Variants in LRRK1 observed in about 807,000 individuals in gnomAD.
LRRK1 encodes leucine rich repeat kinase 1.
In LRRK1, 113 loss-of-function variants were observed where a neutral mutation model predicts 209.1. The ratio of observed to expected loss-of-function variants is 0.54; its 90% CI spans 0.46 to 0.63. The LOEUF (loss-of-function observed/expected upper bound fraction) is 0.63, where lower values mean the gene tolerates loss of function less well. Among genes scored for constraint, LRRK1 ranks in the 30% least tolerant of loss-of-function variants. LRRK1 has a pLI of 0.00. For missense variants in LRRK1, 2,284 were observed against 2,632.2 expected (o/e 0.87, Z 2.89); for synonymous variants, 1,144 against 1,099.7 (o/e 1.04, Z -0.80).
intron 4 of LRRK1, chr15:100,983,935 T>C: frequency 4.8e-6 from 3 of 627,090 alleles, no homozygotes; most frequent in Non-Finnish European, 8.7e-6. Context: ...GTAATTAACA[T>C]TGCTTTTTAA....
At chr15:100,950,613 C>G (rs2042625328) in intron 2 of LRRK1, among the ~76,000 whole-genome samples, 1 of 152,178 alleles carries the variant, frequency 6.6e-6, no homozygotes, top group Non-Finnish European at 1.5e-5. Flanking sequence ...ACCAAAAACA[C>G]AAGCGACAAA....
At chr15:101,028,869 C>T in intron 19 of LRRK1, 87 bp from the exon 20 acceptor site, 1 of 1,380,236 alleles carries the variant, frequency 7.2e-7, no homozygotes, top group South Asian at 1.3e-5. Context: ...AATTTGTGAC[C>T]TGGGTCCTCT....
intron 4 of LRRK1, among the ~76,000 whole-genome samples, chr15:100,986,627 G>A (rs1321062007): frequency 6.6e-6 from 1 of 152,208 alleles, no homozygotes; most frequent in African/African-American, 2.4e-5. Flanking sequence ...AGAGCTGCTT[G>A]CTTTCATTCA....
rs139678081 is a variant in LRRK1, at chr15:100,941,006, G to T, written c.97+16277G>T. On this transcript the variant is annotated intron_variant, in intron 2 of 33. Transcript: ENST00000388948. ...CCTCCTGGGGACTCTGAGGCCCAAG[G>T]GGGACAGTGGTGAAATATGACACAG... Among the ~76,000 whole-genome samples the T allele has an allele frequency of 4.7e-3, 720 of 152,332 alleles. 7 individuals carry two copies. Among genetic ancestry groups the T allele is most frequent in the Non-Finnish European group, 4.1e-3 (276 of 68,034 alleles).
intron 3 of LRRK1, among the ~76,000 whole-genome samples, chr15:100,977,865 A>G (rs2141658021): frequency 6.6e-6 from 1 of 152,294 alleles, no homozygotes; most frequent in African/African-American, 2.4e-5. Context: ...TCGCAAACTC[A>G]CTGAGACAAG....
rs947751471 is a variant in LRRK1, at chr15:101,074,087, C to T, written c.*5239C>T. The T allele has an allele frequency of 1.3e-5, 2 of 152,162 alleles. No homozygotes were observed. The highest frequency in any genetic ancestry group is 2.9e-5 in the Non-Finnish European group (2 of 68,036). 9.4% of individuals were successfully genotyped at this position (152,162 alleles called of 1,614,324 possible). On this transcript the variant is annotated 3_prime_UTR_variant, in exon 34 of 34. Coordinates refer to ENST00000388948, the MANE Select transcript of LRRK1 (RefSeq NM_024652.6). ...CATCAGTCCCTCCCTAGTCTCTGTTCCCAGTGCAACTCATCCCAAATCTTC... is the reference window on the plus strand; with the variant it reads ...CATCAGTCCCTCCCTAGTCTCTGTTTCCAGTGCAACTCATCCCAAATCTTC...
rs200350947 is a variant in LRRK1, at chr15:100,956,372, TTTC to T, written c.98-17429_98-17427del. 9.1e-3 allele frequency among the ~76,000 whole-genome samples: 1,366 copies of T among 149,934 alleles called. 25 individuals carry two copies. The highest frequency in any genetic ancestry group is 0.033 in the African/African-American group (1,308 of 40,124). ...TATAATTGTATTTATTTGAGTTCTCTTTCTTTTTTTTCTTAGTCTAGCTAACGA... is the reference window on the plus strand; with the variant it reads ...TATAATTGTATTTATTTGAGTTCTCTTTTTTTTTCTTAGTCTAGCTAACGA... On this transcript the variant is annotated intron_variant, in intron 2 of 33. Coordinates refer to ENST00000388948, the MANE Select transcript of LRRK1 (RefSeq NM_024652.6).
At chr15:101,023,413 C>T (rs2141712056) in intron 15 of LRRK1, among the ~76,000 whole-genome samples, 1 of 152,308 alleles carries the variant, frequency 6.6e-6, no homozygotes, top group Non-Finnish European at 1.5e-5. Context: ...GAACATTTTC[C>T]TGTTCATGTA....
chr15:101,010,717 A>G lies in LRRK1; in HGVS notation c.1161A>G (p.Ile387Met), dbSNP rs757510968. Residue 387 changes from isoleucine (I) to methionine (M), a missense_variant, in exon 9 of 34, where the codon ATA becomes ATG. Ile to Met is a conservative substitution (Grantham distance 10). Coordinates refer to ENST00000388948, the MANE Select transcript of LRRK1 (RefSeq NM_024652.6). ...IGLRKLQELD[I>M]SDNKLTELPA... ...TACGGAAGCTACAGGAACTTGATAT[A>G]TCTGACAATAAATTGACAGAACTCC... is the stretch of plus-strand genomic sequence containing the variant. 6.2e-7 allele frequency: 1 copy of G among 1,612,098 alleles called. No individual in the cohort carries two copies. The highest frequency in any genetic ancestry group is 8.5e-7 in the Non-Finnish European group (1 of 1,179,712).
intron 6 of LRRK1, among the ~76,000 whole-genome samples, chr15:100,994,280 G>A (rs1056729530): frequency 1.3e-5 from 2 of 152,204 alleles, no homozygotes; most frequent in Non-Finnish European, 2.9e-5. Context: ...GTACCGCCTA[G>A]GTTTCACATA....
chr15:100,925,063 A>G (rs1342019418), intron 2 of LRRK1, among the ~76,000 whole-genome samples: 6 of 152,220 alleles, frequency 3.9e-5, no homozygotes, highest in African/African-American at 7.2e-5. Flanking sequence ...AAATAATTTA[A>G]AAAAAAGGAA....
At chr15:100,975,416 A>G (rs2031236169) in intron 3 of LRRK1, among the ~76,000 whole-genome samples, 1 of 152,236 alleles carries the variant, frequency 6.6e-6, no homozygotes, top group Non-Finnish European at 1.5e-5. Context: ...CAGTGGCATC[A>G]TAATTTGGCA....
At chr15:100,938,048 G>A (rs1431883413) in intron 2 of LRRK1, among the ~76,000 whole-genome samples, 1 of 149,688 alleles carries the variant, frequency 6.7e-6, no homozygotes, top group African/African-American at 2.4e-5. Flanking sequence ...TTGTAGAGAT[G>A]GGGGTTCACC....
At chr15:100,946,658 C>T (rs970349178) in intron 2 of LRRK1, among the ~76,000 whole-genome samples, 2 of 152,166 alleles carry the variant, frequency 1.3e-5, no homozygotes, top group Non-Finnish European at 2.9e-5. Flanking sequence ...TGTGCTGTAA[C>T]AAATAACGCT....
intron 6 of LRRK1, among the ~76,000 whole-genome samples, chr15:101,006,585 G>A (rs139619378): frequency 6.6e-6 from 1 of 152,196 alleles, no homozygotes; most frequent in Non-Finnish European, 1.5e-5. Flanking sequence ...TAATAATATC[G>A]TATTGATGTT....
intron 12 of LRRK1, among the ~76,000 whole-genome samples, chr15:101,020,456 C>T (rs956591607): frequency 1.3e-5 from 2 of 149,544 alleles, no homozygotes; most frequent in African/African-American, 2.5e-5. Flanking sequence ...CTCACTGCAA[C>T]CTCCACCTCC....
chr15:100,974,840 A>G (rs936114), intron 3 of LRRK1, among the ~76,000 whole-genome samples: 144,129 of 152,354 alleles, frequency 0.95, 68,195 homozygotes, highest in East Asian at 1. Flanking sequence ...GTTGGAGTGG[A>G]CCATCACCAC....
intron 2 of LRRK1, among the ~76,000 whole-genome samples, chr15:100,963,430 G>C (rs1322924506): frequency 6.6e-6 from 1 of 152,218 alleles, no homozygotes; most frequent in Non-Finnish European, 1.5e-5. Flanking sequence ...TCTTGGCCTT[G>C]TTCCTCTGTA....
At chr15:101,011,863 C>G (rs370499627) in intron 9 of LRRK1, 145 bp from the exon 10 acceptor site, 20 of 661,222 alleles carry the variant, frequency 3.0e-5, no homozygotes, top group East Asian at 3.0e-4. Context: ...GGGTGTGCAG[C>G]CTTCCAGCAA....
Sources: gnomAD v4.1 joint callset for allele counts (sites outside exome capture counted in the v4.1 genomes callset) on GRCh38, gnomAD v4.1.1 for gene constraint, MANE v1.5 for transcripts, NCBI Gene and HGNC (gene_info 2026-07-23, HGNC 2026-07-21) for gene names.